The following RALGPS1 variants were observed in gnomAD, a reference collection of about 807,000 sequenced individuals.
RALGPS1 encodes the protein Ral GEF with PH domain and SH3 binding motif 1.
A neutral mutation model predicts 78.8 loss-of-function variants in RALGPS1; 19 were observed. The ratio of observed to expected loss-of-function variants is 0.24; its 90% confidence interval spans 0.17 to 0.35. RALGPS1 has a LOEUF of 0.35. RALGPS1 is among the 10% of genes least tolerant of loss of function. The pLI is 1.00. For synonymous variants in RALGPS1, 228 were observed against 256.3 expected, an observed-to-expected ratio of 0.89 and a Z score of 1.06; for missense variants, 454 against 688.3, an observed-to-expected ratio of 0.66 and a Z score of 3.81.
intron 4 of RALGPS1, among the ~76,000 whole-genome samples, chr9:127,005,131 T>G (rs1035495879): frequency 2.0e-5 from 3 of 152,192 alleles, no homozygotes; most frequent in African/African-American, 7.2e-5. Context: ...TTCTGGTGTT[T>G]TGAAGCAGGT....
At chr9:127,210,938 G>A (rs1017325295) in intron 14 of RALGPS1, among the ~76,000 whole-genome samples, 7 of 152,222 alleles carry the variant, frequency 4.6e-5, no homozygotes, top group African/African-American at 1.7e-4. Context: ...GGAGGTGAGG[G>A]GCACTCAGGA....
chr9:126,940,795 C>G (rs2036708228), intron 1 of RALGPS1, among the ~76,000 whole-genome samples: 4 of 152,190 alleles, frequency 2.6e-5, no homozygotes, highest in East Asian at 3.9e-4. Flanking sequence ...CCAGGTGGTG[C>G]TGCAGCACCA....
chr9:127,029,833 G>A (rs116352733), intron 4 of RALGPS1, among the ~76,000 whole-genome samples: 10 of 152,204 alleles, frequency 6.6e-5, no homozygotes, highest in African/African-American at 1.2e-4. Context: ...ACCTCAAGGC[G>A]TCTGACTCCC....
rs199826910 is a variant in RALGPS1 at position 126,987,525 on chromosome 9, TACATGCCA to T, written c.216+9782_216+9789del. On this transcript the variant is annotated intron_variant, in intron 4 of 18. Transcript: ENST00000259351. ...AGAGCATCATTGCCAGGGATACTGGTACATGCCAAAGGCTTACCAGAAGTCAGTGTTTC... is the reference window on the plus strand; with the variant it reads ...AGAGCATCATTGCCAGGGATACTGGTAAGGCTTACCAGAAGTCAGTGTTTC... Among the ~76,000 whole-genome samples, 109 of 152,302 alleles carry T rather than the reference TACATGCCA, an allele frequency of 7.2e-4. 2 individuals are homozygous for T. In the East Asian group the frequency reaches 0.02, roughly 29 times the overall value.
chr9:127,115,401 G>C (rs1009373900), intron 8 of RALGPS1, among the ~76,000 whole-genome samples: 2 of 152,026 alleles, frequency 1.3e-5, no homozygotes, highest in Non-Finnish European at 2.9e-5. Flanking sequence ...TGCTGGTTGC[G>C]GTCTTATGTA....
chr9:127,032,431 C>G (rs997266801), intron 4 of RALGPS1, among the ~76,000 whole-genome samples: 2 of 152,132 alleles, frequency 1.3e-5, no homozygotes, highest in African/African-American at 2.4e-5. Flanking sequence ...AGGAAAAATA[C>G]AAAGGGAGCA....
chr9:127,024,993 G>A (rs1172279636), intron 4 of RALGPS1, among the ~76,000 whole-genome samples: 1 of 152,160 alleles, frequency 6.6e-6, no homozygotes, highest in East Asian at 1.9e-4. Flanking sequence ...TGAAGAATGA[G>A]TGTTCTCATG....
intron 10 of RALGPS1, among the ~76,000 whole-genome samples, chr9:127,169,618 A>C (rs2059462957): frequency 6.6e-6 from 1 of 152,172 alleles, no homozygotes; most frequent in Admixed American, 6.5e-5. Context: ...TACCTCTTAA[A>C]TGTCAACTTC....
intron 8 of RALGPS1, among the ~76,000 whole-genome samples, chr9:127,161,667 G>A (rs1326724888): frequency 7.9e-5 from 12 of 152,194 alleles, no homozygotes; most frequent in Non-Finnish European, 2.9e-5. Flanking sequence ...GAGCCCTTTT[G>A]GAGAGTGTTG....
At chr9:127,109,725 A>G (rs1248921147) in intron 8 of RALGPS1, among the ~76,000 whole-genome samples, 1 of 152,226 alleles carries the variant, frequency 6.6e-6, no homozygotes. Context: ...TACCAACAGG[A>G]TGGAGCCAGT....
At chr9:127,152,247 A>G (rs2058461006) in intron 8 of RALGPS1, among the ~76,000 whole-genome samples, 1 of 152,086 alleles carries the variant, frequency 6.6e-6, no homozygotes, top group Non-Finnish European at 1.5e-5. Context: ...CTTCTCCTAC[A>G]TGCAGTTCAA....
chr9:126,957,068 CT>C (rs2038414599), intron 1 of RALGPS1, among the ~76,000 whole-genome samples: 1 of 152,222 alleles, frequency 6.6e-6, no homozygotes, highest in South Asian at 2.1e-4. Context: ...TAGTCTTTAC[CT>C]CATGGGGCTG....
intron 4 of RALGPS1, among the ~76,000 whole-genome samples, chr9:127,006,905 G>A (rs1028562323): frequency 3.8e-5 from 5 of 131,452 alleles, no homozygotes; most frequent in Non-Finnish European, 7.2e-5. Flanking sequence ...TTAGGGTGTC[G>A]GTATTAACTT....
chr9:127,176,163 A>G (rs1458420043), intron 11 of RALGPS1, among the ~76,000 whole-genome samples: 1 of 152,106 alleles, frequency 6.6e-6, no homozygotes, highest in African/African-American at 2.4e-5. Context: ...CTATACCTCA[A>G]GACAGTCCTG....
intron 4 of RALGPS1, among the ~76,000 whole-genome samples, chr9:127,029,333 A>G (rs964149966): frequency 5.9e-5 from 9 of 152,262 alleles, no homozygotes; most frequent in South Asian, 2.1e-4. Flanking sequence ...TGGGTCACCT[A>G]TCTCCCAGGG....
At chr9:127,147,912 T>A (rs886860966) in intron 8 of RALGPS1, among the ~76,000 whole-genome samples, 2 of 152,218 alleles carry the variant, frequency 1.3e-5, no homozygotes, top group African/African-American at 4.8e-5. Context: ...GTTGGAGTTA[T>A]GCTCATCTTG....
chr9:127,182,392 CCCTCCCTTCCTT>C (rs1396290112), intron 11 of RALGPS1, among the ~76,000 whole-genome samples: 63 of 52,418 alleles, frequency 1.2e-3, no homozygotes, highest in African/African-American at 1.3e-3. Flanking sequence ...CTCCCTCCCT[CCCTCCCTTCCTT>C]CCTCCCTTCC....
intron 1 of RALGPS1, among the ~76,000 whole-genome samples, chr9:126,932,198 A>G (rs1053987121): frequency 6.6e-6 from 1 of 152,220 alleles, no homozygotes; most frequent in African/African-American, 2.4e-5. Flanking sequence ...ACTTGGTGGT[A>G]TCTTTCTTAC....
intron 3 of RALGPS1, among the ~76,000 whole-genome samples, chr9:126,974,093 C>T (rs768160289): frequency 1.3e-5 from 2 of 152,120 alleles, no homozygotes; most frequent in Non-Finnish European, 2.9e-5. Flanking sequence ...AGGGTGGTCT[C>T]GAACTCCTGA....
Sources: allele counts gnomAD v4.1 joint callset (sites outside exome capture counted in the v4.1 genomes callset), GRCh38; gene constraint gnomAD v4.1.1; transcripts MANE v1.5; gene names NCBI Gene and HGNC (gene_info 2026-07-23, HGNC 2026-07-21).